Variants in CYB5R4 observed in about 807,000 individuals in gnomAD.
CYB5R4 encodes cytochrome b5 reductase 4.
In CYB5R4, 55 loss-of-function variants were observed where a neutral mutation model predicts 70.2. That is an observed-to-expected ratio of 0.78 (90% confidence interval 0.63 to 0.98). CYB5R4 has a LOEUF of 0.98. Ranked by LOEUF, CYB5R4 falls within the 50% of genes least tolerant of loss-of-function variation. The probability of loss-of-function intolerance (pLI) is 0.00; values close to 1 mark genes in which losing one functional copy is unlikely to be tolerated. For missense variants in CYB5R4, 562 were observed against 612.6 expected, an observed-to-expected ratio of 0.92 and a Z score of 0.87; for synonymous variants, 197 against 199.5, an observed-to-expected ratio of 0.99 and a Z score of 0.11.
At chr6:83,888,302 C>A (rs558582264) in intron 2 of CYB5R4, among the ~76,000 whole-genome samples, 1 of 152,018 alleles carries the variant, frequency 6.6e-6, no homozygotes, top group Non-Finnish European at 1.5e-5. Context: ...ACAGGCATAC[C>A]TTGTTTTATT....
intron 2 of CYB5R4, among the ~76,000 whole-genome samples, chr6:83,877,138 AT>A (rs572008248): frequency 6.6e-6 from 1 of 151,836 alleles, no homozygotes; most frequent in Non-Finnish European, 1.5e-5. Flanking sequence ...CCCTTTTAAC[AT>A]TTTTTTATAG....
At chr6:83,937,636 C>G (rs756171131) in intron 12 of CYB5R4, among the ~76,000 whole-genome samples, 1 of 152,162 alleles carries the variant, frequency 6.6e-6, no homozygotes, top group Admixed American at 6.5e-5. Flanking sequence ...TCTTCTGCCT[C>G]AGCCTCCCAA....
intron 6 of CYB5R4, 66 bp downstream of exon 6, chr6:83,918,131 A>T (rs1256945930): frequency 4.9e-6 from 6 of 1,219,000 alleles, no homozygotes; most frequent in Non-Finnish European, 7.2e-6. Context: ...CACATTTAAA[A>T]AATAAAGTAG....
intron 14 of CYB5R4, among the ~76,000 whole-genome samples, chr6:83,954,444 A>G (rs2099472016): frequency 1.3e-5 from 2 of 152,090 alleles, no homozygotes; most frequent in African/African-American, 4.8e-5. Context: ...CTTGAAGGGT[A>G]TATTGCGTGA....
At chr6:83,880,812 G>A (rs1454792623) in intron 2 of CYB5R4, among the ~76,000 whole-genome samples, 1 of 152,082 alleles carries the variant, frequency 6.6e-6, no homozygotes, top group Non-Finnish European at 1.5e-5. Flanking sequence ...TTATTAAGGA[G>A]GTAGTATTTA....
At chr6:83,906,790 C>T (rs984011415) in intron 3 of CYB5R4, among the ~76,000 whole-genome samples, 1 of 152,196 alleles carries the variant, frequency 6.6e-6, no homozygotes, top group African/African-American at 2.4e-5. Flanking sequence ...CTATACTTTA[C>T]ATACTTACTA....
Position 83,859,886 on chromosome 6 carries a change from C to T in CYB5R4, c.75+29C>T, listed in dbSNP as rs192808970. 2.6e-5 allele frequency: 42 copies of T among 1,591,938 alleles called. No individual in the cohort carries two copies. In the Admixed American group the frequency reaches 5.6e-4, roughly 21 times the overall value. ...AGCGGGTGGCTCCGTGAGTCTCTCC[C>T]CTCGCTGCGTTTCGAGCTCTGGCAG... On this transcript the variant is annotated intron_variant, in intron 1 of 15. Transcript: ENST00000369681.
At chr6:83,935,022 G>T (rs999714179) in intron 11 of CYB5R4, among the ~76,000 whole-genome samples, 1 of 152,094 alleles carries the variant, frequency 6.6e-6, no homozygotes, top group South Asian at 2.1e-4. Flanking sequence ...AAAGAGATGA[G>T]AGACTGCACA....
Position 83,922,327 on chromosome 6 carries a change from G to A in CYB5R4, c.659-111G>A, listed in dbSNP as rs375277118. The A allele has an allele frequency of 9.9e-6, 7 of 706,408 alleles. No homozygotes were observed. The African/African-American group carries it at 1.3e-4, about 13-fold the overall frequency. 43.8% of individuals were successfully genotyped at this position (706,408 alleles called of 1,614,324 possible). The stretch of plus-strand genomic sequence containing the variant: ...GTTTTGGTCTTTCAGAACACGTTTT[G>A]TCTTGAGGGATTTGAAATAGTACAT... On this transcript the variant is annotated intron_variant, in intron 8 of 15. Transcript: ENST00000369681.
intron 14 of CYB5R4, among the ~76,000 whole-genome samples, chr6:83,945,217 C>T (rs551147429): frequency 6.6e-4 from 100 of 152,272 alleles, no homozygotes; most frequent in Non-Finnish European, 1.0e-3. Flanking sequence ...GAAATCATAA[C>T]GGTCTCCCAG....
At chr6:83,894,256 T>G (rs2099461537) in intron 3 of CYB5R4, among the ~76,000 whole-genome samples, 1 of 152,230 alleles carries the variant, frequency 6.6e-6, no homozygotes, top group South Asian at 2.1e-4. Context: ...TTGATTACTC[T>G]CAGTAATTCT....
chr6:83,879,645 C>T (rs538757666), intron 2 of CYB5R4, among the ~76,000 whole-genome samples: 1 of 152,248 alleles, frequency 6.6e-6, no homozygotes, highest in East Asian at 1.9e-4. Context: ...TGTACTCTTG[C>T]ACTACCCTCT....
In CYB5R4 at chr6:83,967,069, G is replaced by C. The variant is rs924881816; in HGVS notation, c.*7191G>C. The C allele has an allele frequency of 6.6e-6, 1 of 152,136 alleles. No individual in the cohort carries two copies. Among genetic ancestry groups the C allele is most frequent in the Non-Finnish European group, 1.5e-5 (1 of 68,036 alleles). 9.4% of individuals were successfully genotyped at this position (152,136 alleles called of 1,614,324 possible). On this transcript the variant is annotated 3_prime_UTR_variant, in exon 16 of 16. Transcript: ENST00000369681. ...TTTAAGAAAGTGTTGTACCACATTT[G>C]ATATCCTGATGGAAAAAAATGTGAG...
At chr6:83,907,974 A>G (rs775626867) in intron 3 of CYB5R4, among the ~76,000 whole-genome samples, 1 of 152,098 alleles carries the variant, frequency 6.6e-6, no homozygotes, top group Non-Finnish European at 1.5e-5. Context: ...AATGATTTAT[A>G]TTCCTCTGCA....
At chr6:83,932,991 A>C (rs895137291) in intron 10 of CYB5R4, among the ~76,000 whole-genome samples, 1 of 152,200 alleles carries the variant, frequency 6.6e-6, no homozygotes, top group Non-Finnish European at 1.5e-5. Context: ...ATACTTTGAC[A>C]GTTATTTGCG....
rs1294969379 is a variant in CYB5R4, at chr6:83,924,540, T to C, written c.762T>C (p.Phe254=). 1.2e-6 allele frequency: 2 copies of C among 1,613,598 alleles called. No individual in the cohort carries two copies. Among genetic ancestry groups the C allele is most frequent in the Non-Finnish European group, 1.7e-6 (2 of 1,179,744 alleles). ...LQKKENTSWD[F]LGHPLKNHNS... is the part of the protein sequence containing the mutation. ...AAAAAGAGAATACTTCTTGGGACTT[T>C]CTTGGCCATCCCCTGAAGAATCATA... Residue 254 remains phenylalanine, a synonymous_variant, in exon 10 of 16, where the codon TTT becomes TTC. Transcript: ENST00000369681.
chr6:83,955,294 C>T lies in CYB5R4; in HGVS notation c.1347-4C>T, dbSNP rs766069855. Reference sequence around the variant, plus strand: ...CTTTAAAAAGCTGTTTTTCTTTTCCCTAGACTGGATGTTGAATTTGTTCTC... The same window carrying T: ...CTTTAAAAAGCTGTTTTTCTTTTCCTTAGACTGGATGTTGAATTTGTTCTC... On this transcript the variant is annotated splice_polypyrimidine_tract_variant and splice_region_variant and intron_variant, in intron 14 of 15. Transcript: ENST00000369681. The T allele has an allele frequency of 4.4e-6, 7 of 1,603,898 alleles. No individual in the cohort carries two copies. The highest frequency in any genetic ancestry group is 1.7e-5 in the Admixed American group (1 of 59,106).
At position 83,959,477 on chromosome 6, in the gene CYB5R4, A is replaced by G. The variant is rs976857042; in HGVS notation, c.1512-347A>G. On this transcript the variant is annotated intron_variant, in intron 15 of 15. Transcript: ENST00000369681. Reference sequence around the variant, plus strand: ...TGATTTTTGTCAACAAATAAATTGCAGGATGGAGTGGGGGTCTGGGGGATC... The same window carrying G: ...TGATTTTTGTCAACAAATAAATTGCGGGATGGAGTGGGGGTCTGGGGGATC... 4.6e-5 allele frequency among the ~76,000 whole-genome samples: 7 copies of G among 152,318 alleles called. No individual in the cohort carries two copies. The South Asian group carries it at 1.0e-3, about 23-fold the overall frequency.
rs188406036 is a variant in CYB5R4, at chr6:83,860,004, C to A, written c.75+147C>A. The A allele has an allele frequency of 3.5e-4, 254 of 731,888 alleles. No homozygotes were observed. In the African/African-American group the frequency reaches 4.2e-3, roughly 12 times the overall value. 45.3% of individuals were successfully genotyped at this position (731,888 alleles called of 1,614,324 possible). ...CCTTGCCTGCAACCTCTTTCTGATC[C>A]CACTTTGTCTACAGTCCCTAAACTC... On this transcript the variant is annotated intron_variant, in intron 1 of 15. Coordinates refer to ENST00000369681, the MANE Select transcript of CYB5R4 (RefSeq NM_016230.4).
Sources: gnomAD v4.1 joint callset for allele counts (sites outside exome capture counted in the v4.1 genomes callset) on GRCh38, gnomAD v4.1.1 for gene constraint, MANE v1.5 for transcripts, NCBI Gene and HGNC (gene_info 2026-07-23, HGNC 2026-07-21) for gene names.